The following KCNC2 variants were observed in gnomAD, a reference collection of about 807,000 sequenced individuals.
KCNC2 encodes the protein voltage-gated potassium channel KCNC2.
KCNC2 carries 21 observed loss-of-function variants against 44.5 expected under a neutral mutation model. The ratio of observed to expected loss-of-function variants is 0.47; its 90% CI spans 0.33 to 0.68. KCNC2 has a LOEUF of 0.68. KCNC2 is among the 30% of genes least tolerant of loss of function. KCNC2 has a pLI of 0.01. For missense variants in KCNC2, 589 were observed against 826.2 expected (o/e 0.71, Z 3.52); for synonymous variants, 391 against 339.1 (o/e 1.15, Z -1.68).
chr12:75,084,303 G>T (rs1884794785), intron 2 of KCNC2, among the ~76,000 whole-genome samples: 2 of 149,702 alleles, frequency 1.3e-5, no homozygotes, highest in Admixed American at 1.3e-4. Context: ...TAGATAGATA[G>T]ATAGATAGAT....
chr12:75,147,067 C>CAA (rs1303288190), intron 2 of KCNC2, among the ~76,000 whole-genome samples: 1 of 152,118 alleles, frequency 6.6e-6, no homozygotes, highest in Non-Finnish European at 1.5e-5. Context: ...GAGAGTTTAG[C>CAA]AAGTTTGCTA....
intron 2 of KCNC2, among the ~76,000 whole-genome samples, chr12:75,105,776 T>G (rs976130965): frequency 6.6e-6 from 1 of 152,142 alleles, no homozygotes; most frequent in East Asian, 1.9e-4. Context: ...GAAATTACCA[T>G]GATTTCGTTT....
chr12:75,186,979 T>C (rs1284980160), intron 2 of KCNC2, among the ~76,000 whole-genome samples: 1 of 152,200 alleles, frequency 6.6e-6, no homozygotes, highest in African/African-American at 2.4e-5. Flanking sequence ...CTGTGATATA[T>C]TACTCTAAAG....
At chr12:75,178,837 A>G (rs1892367173) in intron 2 of KCNC2, among the ~76,000 whole-genome samples, 1 of 152,068 alleles carries the variant, frequency 6.6e-6, no homozygotes, top group African/African-American at 2.4e-5. Flanking sequence ...CCATTTTGTA[A>G]TGGTGCAAGT....
intron 2 of KCNC2, among the ~76,000 whole-genome samples, chr12:75,117,320 TG>T (rs1462207610): frequency 6.6e-6 from 1 of 152,206 alleles, no homozygotes; most frequent in Non-Finnish European, 1.5e-5. Flanking sequence ...AGGCTGGTCC[TG>T]CATTTCTTTT....
chr12:75,060,027 T>C (rs1326405014), intron 2 of KCNC2, among the ~76,000 whole-genome samples: 3 of 152,130 alleles, frequency 2.0e-5, no homozygotes, highest in East Asian at 1.9e-4. Context: ...AGCTCTTCAA[T>C]CTCAATCAAT....
At chr12:75,133,496 G>GT (rs1425636532) in intron 2 of KCNC2, among the ~76,000 whole-genome samples, 1 of 151,236 alleles carries the variant, frequency 6.6e-6, no homozygotes, top group Admixed American at 6.6e-5. Flanking sequence ...TTTAATTTAA[G>GT]TTTTTTATAG....
At chr12:75,105,694 T>C (rs569599831) in intron 2 of KCNC2, among the ~76,000 whole-genome samples, 3 of 152,266 alleles carry the variant, frequency 2.0e-5, no homozygotes, top group East Asian at 1.9e-4. Flanking sequence ...TTGAAAGTTT[T>C]TGGCCCATAC....
intron 2 of KCNC2, among the ~76,000 whole-genome samples, chr12:75,144,586 A>G (rs1371366934): frequency 6.6e-6 from 1 of 151,554 alleles, no homozygotes; most frequent in Non-Finnish European, 1.5e-5. Flanking sequence ...TGTAAAATAT[A>G]TATATACACA....
At chr12:75,169,660 T>C (rs56900353) in intron 2 of KCNC2, among the ~76,000 whole-genome samples, 22,828 of 151,680 alleles carry the variant, frequency 0.15, 1,992 homozygotes, top group Middle Eastern at 0.29. Context: ...GTAATTCTTA[T>C]AAATTACTAT....
At chr12:75,075,828 G>A (rs539775215) in intron 2 of KCNC2, among the ~76,000 whole-genome samples, 1 of 151,996 alleles carries the variant, frequency 6.6e-6, no homozygotes, top group Non-Finnish European at 1.5e-5. Context: ...GTTTTACAAT[G>A]CCTCCTTTAG....
At position 75,041,871 on chromosome 12, in the gene KCNC2, T is replaced by A; in HGVS notation, c.*1234A>T. On this transcript the variant is annotated 3_prime_UTR_variant, in exon 5 of 5. Transcript: ENST00000549446. ...AGCAAAAAATGGTATGGAGTCGGGTTTGGAGGGAGTAAATATTAAAATCAT... is the reference window on the plus strand; with the variant it reads ...AGCAAAAAATGGTATGGAGTCGGGTATGGAGGGAGTAAATATTAAAATCAT... 2.0e-6 allele frequency: 2 copies of A among 990,496 alleles called. No homozygotes were observed. Among genetic ancestry groups the A allele is most frequent in the Non-Finnish European group, 2.4e-6 (2 of 833,440 alleles). The allele number at this position is 990,496 out of a possible 1,614,324, so 61.4% of individuals were successfully genotyped here.
intron 2 of KCNC2, among the ~76,000 whole-genome samples, chr12:75,197,572 C>T (rs1037839134): frequency 6.6e-6 from 1 of 151,914 alleles, no homozygotes. Context: ...ACAAGTGTTG[C>T]GAAGGCAAGT....
intron 2 of KCNC2, among the ~76,000 whole-genome samples, chr12:75,206,544 A>G (rs2031702033): frequency 6.6e-6 from 1 of 152,236 alleles, no homozygotes; most frequent in South Asian, 2.1e-4. Context: ...TAAATTACTC[A>G]GATTTAGAGA....
At chr12:75,069,892 G>A (rs559431029) in intron 2 of KCNC2, among the ~76,000 whole-genome samples, 7 of 152,274 alleles carry the variant, frequency 4.6e-5, no homozygotes, top group African/African-American at 1.7e-4. Flanking sequence ...AACTTACTAT[G>A]TAGTAAAGCC....
intron 2 of KCNC2, among the ~76,000 whole-genome samples, chr12:75,187,064 C>A (rs769109555): frequency 6.6e-5 from 10 of 152,088 alleles, no homozygotes; most frequent in Non-Finnish European, 8.8e-5. Flanking sequence ...AAAAAAGATG[C>A]CCTAAGAACA....
chr12:75,189,882 C>T (rs1040545223), intron 2 of KCNC2, among the ~76,000 whole-genome samples: 1 of 152,166 alleles, frequency 6.6e-6, no homozygotes, highest in Admixed American at 6.5e-5. Context: ...TCTGTAACCT[C>T]GTGGATTTTC....
chr12:75,099,998 GA>G (rs1412123342), intron 2 of KCNC2, among the ~76,000 whole-genome samples: 1 of 147,734 alleles, frequency 6.8e-6, no homozygotes, highest in Non-Finnish European at 1.5e-5. Context: ...TGGGCTATAT[GA>G]AAATGTTTTA....
intron 2 of KCNC2, among the ~76,000 whole-genome samples, chr12:75,195,482 A>G (rs755569862): frequency 3.3e-5 from 5 of 152,186 alleles, no homozygotes; most frequent in Non-Finnish European, 5.9e-5. Flanking sequence ...AAGAAGTCAT[A>G]AAGTTTCTCT....
Sources: allele counts gnomAD v4.1 joint callset (sites outside exome capture counted in the v4.1 genomes callset), GRCh38; gene constraint gnomAD v4.1.1; transcripts MANE v1.5; gene names NCBI Gene and HGNC (gene_info 2026-07-23, HGNC 2026-07-21).